Variants in PPP2R2A observed in about 807,000 individuals in gnomAD.
PPP2R2A encodes protein phosphatase 2 regulatory subunit Balpha.
A neutral mutation model predicts 53.2 loss-of-function variants in PPP2R2A; 9 were observed. That is an observed-to-expected ratio of 0.17 (90% CI 0.10 to 0.30). The LOEUF (loss-of-function observed/expected upper bound fraction) is 0.30, where lower values mean the gene tolerates loss of function less well. PPP2R2A is among the 10% of genes least tolerant of loss of function. The pLI, the probability that PPP2R2A is intolerant of heterozygous loss-of-function variation, is 1.00. For synonymous variants in PPP2R2A, 169 were observed against 174.2 expected, an observed-to-expected ratio of 0.97 and a Z score of 0.23; for missense variants, 235 against 534.6, an observed-to-expected ratio of 0.44 and a Z score of 5.53.
chr8:26,357,323 A>G (rs1804842013), intron 4 of PPP2R2A, among the ~76,000 whole-genome samples: 1 of 135,484 alleles, frequency 7.4e-6, no homozygotes, highest in South Asian at 2.8e-4. Context: ...TAAAAACTAT[A>G]TCTGTGGGAG....
intron 2 of PPP2R2A, among the ~76,000 whole-genome samples, chr8:26,329,814 T>C (rs1480942506): frequency 6.6e-6 from 1 of 152,226 alleles, no homozygotes. Context: ...GGGAATGTTA[T>C]ACTTTGAAAT....
At position 26,371,581 on chromosome 8, in the gene PPP2R2A, G is replaced by A. The variant is rs1464209542; in HGVS notation, c.*1168G>A. The A allele has an allele frequency of 6.6e-6, 1 of 152,060 alleles. No individual in the cohort carries two copies. Among genetic ancestry groups the A allele is most frequent in the East Asian group, 1.9e-4 (1 of 5,192 alleles). The allele number at this position is 152,060 out of a possible 1,614,324, so 9.4% of individuals were successfully genotyped here. A position where few individuals can be genotyped will look rare whatever the true frequency, so the allele number is the denominator to read the frequency against. ...TGTTATTCAGTCATATAAAATAGCA[G>A]AAAACTAACATCAAGTGACACTGCA... On this transcript the variant is annotated 3_prime_UTR_variant, in exon 10 of 10. Coordinates refer to ENST00000380737, the MANE Select transcript of PPP2R2A (RefSeq NM_002717.4).
chr8:26,339,940 A>C (rs1803862204), intron 3 of PPP2R2A: 1 of 152,070 alleles, frequency 6.6e-6, no homozygotes. Context: ...CTTTACAAAC[A>C]CTAATGAATT....
chr8:26,362,026 A>G lies in PPP2R2A; in HGVS notation c.638-658A>G, dbSNP rs925362838. ...TTGATATTAAGATTAGATTAAGATT[A>G]GATTAAGATTAATCTTAAGATTAGA... On this transcript the variant is annotated intron_variant, in intron 6 of 9. Coordinates refer to ENST00000380737, the MANE Select transcript of PPP2R2A (RefSeq NM_002717.4). This position sits in a 1 kb window ranked among gnomAD's most constrained non-coding sequence, Gnocchi z 4.4. 5.0e-5 allele frequency among the ~76,000 whole-genome samples: 7 copies of G among 140,878 alleles called. No homozygotes were observed. In the East Asian group the frequency reaches 1.0e-3, roughly 20 times the overall value. 92.4% of individuals were successfully genotyped at this position (140,878 alleles called of 152,430 possible).
intron 4 of PPP2R2A, among the ~76,000 whole-genome samples, chr8:26,359,938 A>G (rs982698225): frequency 6.6e-6 from 1 of 152,078 alleles, no homozygotes; most frequent in Non-Finnish European, 1.5e-5. Flanking sequence ...CCTGTCTGTG[A>G]CTTGATTTGA....
At chr8:26,313,998 A>C (rs1308237468) in intron 2 of PPP2R2A, among the ~76,000 whole-genome samples, 1 of 152,012 alleles carries the variant, frequency 6.6e-6, no homozygotes, top group South Asian at 2.1e-4. Context: ...ATAAATTCTG[A>C]TTTTTTTCTA....
intron 3 of PPP2R2A, among the ~76,000 whole-genome samples, chr8:26,351,611 T>G (rs36078516): frequency 1.3e-5 from 2 of 152,214 alleles, no homozygotes; most frequent in Non-Finnish European, 2.9e-5. Flanking sequence ...GTAATCACTT[T>G]ACGAGTGGTT....
rs1245941067 is a variant in PPP2R2A, at chr8:26,354,908, A to C, written c.346+275A>C. ...ATTTAGGTCAGGTAATATTTCTGTC[A>C]TTTCTCAGTCTCGTAATCTTGGGCA... On this transcript the variant is annotated intron_variant, in intron 4 of 9. Transcript: ENST00000380737. The surrounding 1 kb of genome is among the most constrained non-coding windows in gnomAD (Gnocchi z 4.6). Among the ~76,000 whole-genome samples the C allele has an allele frequency of 6.6e-6, 1 of 152,166 alleles. No individual in the cohort carries two copies. Among genetic ancestry groups the C allele is most frequent in the African/African-American group, 2.4e-5 (1 of 41,446 alleles).
At position 26,370,483 on chromosome 8, in the gene PPP2R2A, A is replaced by T; in HGVS notation, c.*70A>T. 3 of 1,537,268 alleles carry T rather than the reference A, an allele frequency of 2.0e-6. 1 individual carries two copies. The highest frequency in any genetic ancestry group is 3.5e-4 in the Middle Eastern group (2 of 5,770). On this transcript the variant is annotated 3_prime_UTR_variant, in exon 10 of 10. Coordinates refer to ENST00000380737, the MANE Select transcript of PPP2R2A (RefSeq NM_002717.4). The surrounding 1 kb of genome is among the most constrained non-coding windows in gnomAD (Gnocchi z 6.1). ...ATAGTTGAATCTAGCATTCGTTCCT[A>T]TAAAAGAGAGAGGTCCATTGTGGCG... is the stretch of plus-strand genomic sequence containing the variant.
intron 2 of PPP2R2A, among the ~76,000 whole-genome samples, chr8:26,299,586 A>ATC (rs1160248227): frequency 6.6e-6 from 1 of 152,224 alleles, no homozygotes; most frequent in African/African-American, 2.4e-5. Flanking sequence ...AATATGCCCC[A>ATC]AATAAGGACA....
chr8:26,298,764 A>G (rs1801654898), intron 2 of PPP2R2A, among the ~76,000 whole-genome samples: 1 of 152,180 alleles, frequency 6.6e-6, no homozygotes, highest in South Asian at 2.1e-4. Flanking sequence ...TGGTTCCATC[A>G]CTGGACCCTT....
chr8:26,369,307 A>C (rs1229017883), intron 9 of PPP2R2A, among the ~76,000 whole-genome samples: 1 of 150,678 alleles, frequency 6.6e-6, no homozygotes, highest in South Asian at 2.1e-4. Context: ...GCTCAGTGCA[A>C]CCTCCGCCTC....
rs138855604 is a variant in PPP2R2A, at chr8:26,299,462, C to G, written c.82+5722C>G. Among the ~76,000 whole-genome samples, 660 of 152,214 alleles carry G rather than the reference C, an allele frequency of 4.3e-3. 19 individuals are homozygous for G. Among genetic ancestry groups the G allele is most frequent in the Admixed American group, 0.04 (614 of 15,310 alleles). On this transcript the variant is annotated intron_variant, in intron 2 of 9. Coordinates refer to ENST00000380737, the MANE Select transcript of PPP2R2A (RefSeq NM_002717.4). ...TCTTATAAAGTCTTATTTTATGAAA[C>G]TTGGATCCAAGTACATTGTGTGTTT...
chr8:26,297,445 ATTGT>A (rs1369414205), intron 2 of PPP2R2A, among the ~76,000 whole-genome samples: 1 of 152,188 alleles, frequency 6.6e-6, no homozygotes, highest in Non-Finnish European at 1.5e-5. Flanking sequence ...GGTAAGCTAG[ATTGT>A]TTGAGATACC....
chr8:26,350,179 T>A (rs1804420671), intron 3 of PPP2R2A, among the ~76,000 whole-genome samples: 1 of 152,140 alleles, frequency 6.6e-6, no homozygotes, highest in South Asian at 2.1e-4. Flanking sequence ...TTCTCCTGAC[T>A]CAGCCTCCCA....
chr8:26,351,248 C>G (rs2117369982), intron 3 of PPP2R2A, among the ~76,000 whole-genome samples: 1 of 152,104 alleles, frequency 6.6e-6, no homozygotes, highest in African/African-American at 2.4e-5. Context: ...CTACTAGATC[C>G]ATGTGGCTAT....
In PPP2R2A at chr8:26,354,360, A is replaced by G. The variant is rs997727300; in HGVS notation, c.181-108A>G. The G allele has an allele frequency of 2.4e-6, 2 of 833,362 alleles. No individual in the cohort carries two copies. Among genetic ancestry groups the G allele is most frequent in the South Asian group, 3.7e-5 (1 of 27,044 alleles). 51.6% of individuals were successfully genotyped at this position (833,362 alleles called of 1,614,324 possible). ...ACAGAATGTAATTGTATAAAGACAC[A>G]ACTAATGGGGTATTGAGAATGTGCA... is the stretch of plus-strand genomic sequence containing the variant. On this transcript the variant is annotated intron_variant, in intron 3 of 9. Coordinates refer to ENST00000380737, the MANE Select transcript of PPP2R2A (RefSeq NM_002717.4). This position sits in a 1 kb window ranked among gnomAD's most constrained non-coding sequence, Gnocchi z 4.6.
chr8:26,315,841 T>C (rs1165036355), intron 2 of PPP2R2A, among the ~76,000 whole-genome samples: 2 of 152,232 alleles, frequency 1.3e-5, no homozygotes, highest in Non-Finnish European at 2.9e-5. Context: ...AGAAGATAAA[T>C]GCGTGTTTTA....
In PPP2R2A at chr8:26,370,252, C is replaced by T. The variant is rs372782343; in HGVS notation, c.1183C>T (p.Arg395Cys). The change falls in exon 10 of 10, where the codon CGC (arginine) becomes TGC (cysteine). Residue 395 changes from arginine to cysteine, a missense_variant. By Grantham distance (180) the Arg-to-Cys change is radical. Around this residue, in one of 3 missense-constraint regions of PPP2R2A, gnomAD observed 181 missense variants for 409.9 expected, o/e 0.44. Transcript: ENST00000380737. The surrounding 1 kb of genome is among the most constrained non-coding windows in gnomAD (Gnocchi z 6.1). ...NNKPRTVLKP[R>C]KVCASGKRKK... is the part of the protein sequence containing the mutation. ...TAAGCCTCGCACAGTTCTGAAGCCTCGCAAAGTCTGTGCAAGTGGCAAGCG... is the reference window on the plus strand; with the variant it reads ...TAAGCCTCGCACAGTTCTGAAGCCTTGCAAAGTCTGTGCAAGTGGCAAGCG... 5.6e-6 allele frequency: 9 copies of T among 1,613,932 alleles called. No individual in the cohort carries two copies. The highest frequency in any genetic ancestry group is 1.1e-5 in the South Asian group (1 of 91,068).
Sources: allele counts gnomAD v4.1 joint callset (sites outside exome capture counted in the v4.1 genomes callset), GRCh38; gene constraint gnomAD v4.1.1; regional missense constraint gnomAD v4.1.1; non-coding constraint Gnocchi (gnomAD v3.1); transcripts MANE v1.5; gene names NCBI Gene and HGNC (gene_info 2026-07-23, HGNC 2026-07-21).